KIF6: variants seen among roughly 807,000 people sequenced by gnomAD.
KIF6 encodes the protein kinesin-like protein KIF6.
KIF6 carries 106 observed loss-of-function variants against 112.7 expected under a neutral mutation model. That is an observed-to-expected ratio of 0.94 (90% CI 0.80 to 1.11). The LOEUF (loss-of-function observed/expected upper bound fraction) is 1.11. Ranked by LOEUF, KIF6 falls within the 50% of genes least tolerant of loss-of-function variation. The pLI, the probability that KIF6 is intolerant of heterozygous loss-of-function variation, is 0.00. For missense variants in KIF6, 929 were observed against 964.0 expected (o/e 0.96, Z 0.48); for synonymous variants, 339 against 339.9 (o/e 1.00, Z 0.03).
chr6:39,715,316 T>G (rs1423857338), intron 2 of KIF6, among the ~76,000 whole-genome samples: 1 of 152,040 alleles, frequency 6.6e-6, no homozygotes, highest in African/African-American at 2.4e-5. Flanking sequence ...TGACCATGAG[T>G]CAAAAGTCAA....
Position 39,342,889 on chromosome 6 carries a change from C to T in KIF6, c.2428+820G>A, listed in dbSNP as rs1581622951. 2.0e-6 allele frequency: 2 copies of T among 985,406 alleles called. No homozygotes were observed. The highest frequency in any genetic ancestry group is 2.3e-4 in the East Asian group (2 of 8,820). 61.0% of individuals were successfully genotyped at this position (985,406 alleles called of 1,614,324 possible). On this transcript the variant is annotated intron_variant, in intron 22 of 22. Coordinates refer to ENST00000287152, the MANE Select transcript of KIF6 (RefSeq NM_145027.6). This position sits in a 1 kb window ranked among gnomAD's most constrained non-coding sequence, Gnocchi z 4.7. ...GTGGAGAAGCTGAGTGCAGGCGCCA[C>T]AGGGCAGGCATCAGTCATTATACAT...
intron 13 of KIF6, among the ~76,000 whole-genome samples, chr6:39,476,037 C>T (rs1374524207): frequency 6.6e-6 from 1 of 151,166 alleles, no homozygotes; most frequent in East Asian, 2.0e-4. Context: ...AACACATACT[C>T]GGGCCTGTGG....
rs1775009059 is a variant in KIF6, at chr6:39,484,630, G to A, written c.1646-53469C>T. Among the ~76,000 whole-genome samples the A allele has an allele frequency of 2.0e-5, 3 of 152,194 alleles. No homozygotes were observed. The South Asian group carries it at 6.2e-4, about 32-fold the overall frequency. ...TTGAGATAAGAAAAAGTCTATTGTT[G>A]ATTGATGAAAATGATTACTTTCAAG... On this transcript the variant is annotated intron_variant, in intron 13 of 22. Transcript: ENST00000287152.
chr6:39,557,745 C>G (rs1249514377), intron 10 of KIF6, among the ~76,000 whole-genome samples: 1 of 151,884 alleles, frequency 6.6e-6, no homozygotes, highest in African/African-American at 2.4e-5. Flanking sequence ...CATAGAACCT[C>G]TGTTGGAGAT....
At chr6:39,539,034 AG>A (rs1483342201) in intron 13 of KIF6, among the ~76,000 whole-genome samples, 1 of 130,972 alleles carries the variant, frequency 7.6e-6, no homozygotes, top group African/African-American at 2.9e-5. Flanking sequence ...ACATCGACAC[AG>A]GAAGGGGAAC....
intron 10 of KIF6, among the ~76,000 whole-genome samples, chr6:39,553,585 T>C (rs1779515306): frequency 6.6e-6 from 1 of 152,212 alleles, no homozygotes; most frequent in Non-Finnish European, 1.5e-5. Flanking sequence ...TAAGACAACT[T>C]TAAAGACAGT....
intron 3 of KIF6, among the ~76,000 whole-genome samples, chr6:39,653,936 G>T (rs1342309791): frequency 2.0e-5 from 3 of 152,172 alleles, no homozygotes; most frequent in Admixed American, 6.5e-5. Flanking sequence ...AAGAAGGCAG[G>T]CCACTGAAAG....
chr6:39,359,439 G>A lies in KIF6; in HGVS notation c.2082+956C>T, dbSNP rs569704513. 8.6e-4 allele frequency among the ~76,000 whole-genome samples: 131 copies of A among 152,200 alleles called. 2 individuals are homozygous for A. The highest frequency in any genetic ancestry group is 6.2e-4 in the South Asian group (3 of 4,812). On this transcript the variant is annotated intron_variant, in intron 18 of 22. Transcript: ENST00000287152. ...ACTAGAAACAACCTAAATATTCAGC[G>A]ATAGGAGATTAAAACATATTTACAT...
At chr6:39,639,146 C>A (rs1449808845) in intron 4 of KIF6, among the ~76,000 whole-genome samples, 1 of 151,980 alleles carries the variant, frequency 6.6e-6, no homozygotes, top group African/African-American at 2.4e-5. Context: ...GATAGATAAC[C>A]CTTTTTTACA....
At chr6:39,712,274 A>G (rs558649333) in intron 3 of KIF6, among the ~76,000 whole-genome samples, 1 of 152,290 alleles carries the variant, frequency 6.6e-6, no homozygotes, top group East Asian at 1.9e-4. Flanking sequence ...TAGGAGAAGG[A>G]GAAAGACAAG....
intron 15 of KIF6, among the ~76,000 whole-genome samples, chr6:39,404,228 T>G (rs1220429468): frequency 6.6e-6 from 1 of 152,208 alleles, no homozygotes; most frequent in East Asian, 1.9e-4. Context: ...GGTATGATGT[T>G]TAAGAACATG....
At chr6:39,543,353 C>G (rs1381379011) in intron 12 of KIF6, among the ~76,000 whole-genome samples, 1 of 152,040 alleles carries the variant, frequency 6.6e-6, no homozygotes. Context: ...ATGGGCAGCA[C>G]TGACGGATGA....
At position 39,339,933 on chromosome 6, in the gene KIF6, G is replaced by A. The variant is rs145217131; in HGVS notation, c.2429-3385C>T. On this transcript the variant is annotated intron_variant, in intron 22 of 22. Coordinates refer to ENST00000287152, the MANE Select transcript of KIF6 (RefSeq NM_145027.6). ...ATTCCCCTTAATGAGCACTCCTGAA[G>A]TAACCAAGGCAGCGCTGTGAGCTAA... Among the ~76,000 whole-genome samples, 202 of 152,330 alleles carry A rather than the reference G, an allele frequency of 1.3e-3. 1 individual carries two copies. The highest frequency in any genetic ancestry group is 2.4e-3 in the Non-Finnish European group (166 of 68,024).
At chr6:39,586,524 G>A in intron 7 of KIF6, 120 bp from the exon 8 acceptor site, 2 of 730,154 alleles carry the variant, frequency 2.7e-6, no homozygotes, top group South Asian at 1.8e-5. Flanking sequence ...GCACGGTGAA[G>A]CCCAAAACTT....
At chr6:39,377,361 T>TCCCCCCCCCCCCCC (rs1275240955) in intron 16 of KIF6, among the ~76,000 whole-genome samples, 4 of 48,518 alleles carry the variant, frequency 8.2e-5, no homozygotes, top group Admixed American at 2.5e-4. Flanking sequence ...CCGTCCCCCA[T>TCCCCCCCCCCCCCC]CCCCCCCCAA....
intron 3 of KIF6, among the ~76,000 whole-genome samples, chr6:39,654,153 G>A (rs936456157): frequency 1.3e-5 from 2 of 152,124 alleles, no homozygotes; most frequent in East Asian, 3.8e-4. Context: ...TGAACAGGTG[G>A]GGAAGACAGT....
intron 10 of KIF6, among the ~76,000 whole-genome samples, chr6:39,558,890 A>G (rs1212695552): frequency 6.6e-6 from 1 of 152,220 alleles, no homozygotes; most frequent in Non-Finnish European, 1.5e-5. Context: ...AATCATTAAA[A>G]TACAGAAACA....
At position 39,423,528 on chromosome 6, in the gene KIF6, T is replaced by C. The variant is rs1405872081; in HGVS notation, c.1755-3525A>G. ...AGCATCTCCTTGGCTATCTCAACTG[T>C]CATCTCTCAAATCTCCACCTCAGCC... On this transcript the variant is annotated intron_variant, in intron 14 of 22. Coordinates refer to ENST00000287152, the MANE Select transcript of KIF6 (RefSeq NM_145027.6). Among the ~76,000 whole-genome samples the C allele has an allele frequency of 2.0e-5, 3 of 151,776 alleles. No individual in the cohort carries two copies. The East Asian group carries it at 5.9e-4, about 30-fold the overall frequency.
At chr6:39,546,248 C>A (rs762998616) in intron 10 of KIF6, among the ~76,000 whole-genome samples, 2 of 152,186 alleles carry the variant, frequency 1.3e-5, no homozygotes, top group Non-Finnish European at 2.9e-5. Flanking sequence ...CCTCCTTTGC[C>A]TCAGAGTGTC....
Sources: allele counts gnomAD v4.1 joint callset (sites outside exome capture counted in the v4.1 genomes callset), GRCh38; gene constraint gnomAD v4.1.1; non-coding constraint Gnocchi (gnomAD v3.1); transcripts MANE v1.5; gene names NCBI Gene and HGNC (gene_info 2026-07-23, HGNC 2026-07-21).